The following TRPC4AP variants were observed in gnomAD, a reference collection of about 807,000 sequenced individuals.
TRPC4AP encodes short transient receptor potential channel 4-associated protein.
In TRPC4AP, 45 loss-of-function variants were observed where a neutral mutation model predicts 99.0. The observed-to-expected ratio is 0.45, with a 90% CI of 0.36 to 0.58. The LOEUF (loss-of-function observed/expected upper bound fraction) is 0.58. Among genes scored for constraint, TRPC4AP ranks in the 20% least tolerant of loss-of-function variants. TRPC4AP has a pLI of 0.00. For synonymous variants in TRPC4AP, 408 were observed against 385.8 expected (o/e 1.06, Z -0.67); for missense variants, 879 against 985.3 (o/e 0.89, Z 1.44).
intron 8 of TRPC4AP, among the ~76,000 whole-genome samples, chr20:35,029,750 C>T (rs894802100): frequency 9.5e-5 from 14 of 147,680 alleles, no homozygotes; most frequent in Admixed American, 3.4e-4. Context: ...ATTCTCCTGC[C>T]TCAGCCTCCC....
At chr20:35,004,717 AAAG>A (rs1289360178) in intron 16 of TRPC4AP, 147 bp from the exon 17 acceptor site, 11 of 663,978 alleles carry the variant, frequency 1.7e-5, no homozygotes, top group African/African-American at 1.3e-4. Context: ...ACTGTGGCAG[AAAG>A]AAGGACCTCC....
intron 8 of TRPC4AP, among the ~76,000 whole-genome samples, chr20:35,029,961 G>A (rs1254565783): frequency 0.1 from 8 of 80 alleles, no homozygotes; most frequent in Non-Finnish European, 0.16. Context: ...AGAAGTTGCT[G>A]GCTGGCGCGG....
At chr20:35,042,076 T>C (rs542863525) in intron 7 of TRPC4AP, among the ~76,000 whole-genome samples, 1 of 152,220 alleles carries the variant, frequency 6.6e-6, no homozygotes, top group African/African-American at 2.4e-5. Flanking sequence ...GTTTGTTACA[T>C]ATGTATATAT....
At chr20:35,008,530 A>C in intron 13 of TRPC4AP, 134 bp downstream of exon 13, 1 of 755,568 alleles carries the variant, frequency 1.3e-6, no homozygotes, top group Non-Finnish European at 2.2e-6. Flanking sequence ...TGGCAGTCAA[A>C]CCACCTCTCC....
intron 8 of TRPC4AP, among the ~76,000 whole-genome samples, chr20:35,026,970 T>A (rs2083045718): frequency 6.6e-6 from 1 of 152,196 alleles, no homozygotes; most frequent in Non-Finnish European, 1.5e-5. Flanking sequence ...TAGATTTTTC[T>A]ACATATAAGA....
At chr20:35,004,359 G>T in intron 17 of TRPC4AP, 99 bp downstream of exon 17, 1 of 980,958 alleles carries the variant, frequency 1.0e-6, no homozygotes, top group Non-Finnish European at 1.6e-6. Context: ...CTCCAGAGAC[G>T]CACTTCTGGA....
intron 8 of TRPC4AP, among the ~76,000 whole-genome samples, chr20:35,029,124 G>A (rs766162089): frequency 3.3e-5 from 5 of 152,020 alleles, no homozygotes; most frequent in Admixed American, 1.3e-4. Context: ...TGGGCTCCCC[G>A]CCTGTAATCC....
chr20:35,036,132 C>T (rs192115208), intron 7 of TRPC4AP, among the ~76,000 whole-genome samples: 10 of 152,290 alleles, frequency 6.6e-5, no homozygotes, highest in Non-Finnish European at 1.2e-4. Flanking sequence ...AAATTCTGAT[C>T]GGCATATTAG....
intron 7 of TRPC4AP, among the ~76,000 whole-genome samples, chr20:35,039,738 T>C (rs2083405425): frequency 6.6e-6 from 1 of 152,140 alleles, no homozygotes; most frequent in Non-Finnish European, 1.5e-5. Flanking sequence ...GCTAAGAATC[T>C]TGAAAGACGT....
chr20:35,059,927 G>T (rs1483254324), intron 3 of TRPC4AP, among the ~76,000 whole-genome samples: 1 of 146,676 alleles, frequency 6.8e-6, no homozygotes, highest in Non-Finnish European at 1.5e-5. Flanking sequence ...AGACAAAGAC[G>T]AAGAAGACGA....
intron 7 of TRPC4AP, among the ~76,000 whole-genome samples, chr20:35,040,309 T>G (rs1204047265): frequency 1.3e-5 from 2 of 152,146 alleles, no homozygotes; most frequent in Non-Finnish European, 1.5e-5. Flanking sequence ...AGGGAAAATC[T>G]GCCCTCAATG....
chr20:35,008,897 C>G (rs113022302), intron 12 of TRPC4AP, 150 bp from the exon 13 acceptor site: 6 of 656,214 alleles, frequency 9.1e-6, no homozygotes, highest in Admixed American at 2.9e-5. Flanking sequence ...TCCAGAGCCC[C>G]GGAGACCCCT....
chr20:35,084,674 A>T (rs1396611779), intron 1 of TRPC4AP, among the ~76,000 whole-genome samples: 22 of 123,876 alleles, frequency 1.8e-4, no homozygotes, highest in African/African-American at 7.8e-4. Context: ...GTGTATATGT[A>T]TATATGTTTA....
rs1555904985 is a variant in TRPC4AP at position 35,024,825 on chromosome 20, C to CCAAAAAAAAAAAAAAAAA, written c.1052-3470_1052-3469insTTTTTTTTTTTTTTTTTG. Among the ~76,000 whole-genome samples, 16 of 35,880 alleles carry CCAAAAAAAAAAAAAAAAA rather than the reference C, an allele frequency of 4.5e-4. 4 individuals are homozygous for CCAAAAAAAAAAAAAAAAA. The highest frequency in any genetic ancestry group is 1.9e-3 in the East Asian group (2 of 1,048). The allele number at this position is 35,880 out of a possible 152,430, so 23.5% of individuals were successfully genotyped here. ...CCTAGGTGACAGAGAGAGACCGTCT[C>CCAAAAAAAAAAAAAAAAA]AAAAAAAAAAAAAAAAAAAAAAAAA... On this transcript the variant is annotated intron_variant, in intron 8 of 18. Transcript: ENST00000252015.
intron 2 of TRPC4AP, among the ~76,000 whole-genome samples, chr20:35,074,757 G>A (rs1257120982): frequency 6.6e-6 from 1 of 152,188 alleles, no homozygotes; most frequent in Non-Finnish European, 1.5e-5. Flanking sequence ...TTGATTTGGG[G>A]TGGAGAGTTC....
At chr20:35,032,714 C>T (rs985606911) in intron 8 of TRPC4AP, among the ~76,000 whole-genome samples, 1 of 148,872 alleles carries the variant, frequency 6.7e-6, no homozygotes, top group Non-Finnish European at 1.5e-5. Flanking sequence ...CCTCGTGATC[C>T]GCCCGCCTCA....
intron 3 of TRPC4AP, among the ~76,000 whole-genome samples, chr20:35,066,252 T>C (rs1443834514): frequency 6.6e-6 from 1 of 152,050 alleles, no homozygotes; most frequent in African/African-American, 2.4e-5. Context: ...CTGCAGGCCA[T>C]GTGCTACCAC....
chr20:35,075,043 G>A (rs1461004355), intron 2 of TRPC4AP, among the ~76,000 whole-genome samples: 2 of 150,844 alleles, frequency 1.3e-5, no homozygotes, highest in African/African-American at 4.9e-5. Flanking sequence ...ATCTTTGTTG[G>A]TTTAAAGTCT....
chr20:35,092,303 G>A (rs1450793340), intron 1 of TRPC4AP, among the ~76,000 whole-genome samples: 1 of 152,142 alleles, frequency 6.6e-6, no homozygotes, highest in Non-Finnish European at 1.5e-5. Flanking sequence ...AAACAAACAC[G>A]ACAGGGTCCC....
Sources: allele counts gnomAD v4.1 joint callset (sites outside exome capture counted in the v4.1 genomes callset), GRCh38; gene constraint gnomAD v4.1.1; transcripts MANE v1.5; gene names NCBI Gene and HGNC (gene_info 2026-07-23, HGNC 2026-07-21).